The following NUP98 variants were observed in gnomAD, a reference collection of about 807,000 sequenced individuals.
NUP98 encodes the protein nucleoporin 98 and 96 precursor.
In NUP98, 26 loss-of-function variants were observed where a neutral mutation model predicts 191.9. The observed-to-expected ratio is 0.14, with a 90% CI of 0.10 to 0.19. The LOEUF is 0.19. Ranked by LOEUF, NUP98 falls within the 10% of genes least tolerant of loss-of-function variation. The pLI, the probability that NUP98 is intolerant of heterozygous loss-of-function variation, is 1.00. For synonymous variants in NUP98, 808 were observed against 778.4 expected (o/e 1.04, Z -0.63); for missense variants, 1,941 against 2,178.8 (o/e 0.89, Z 2.17).
intron 1 of NUP98, among the ~76,000 whole-genome samples, chr11:3,794,542 G>A (rs748983096): frequency 9.2e-5 from 14 of 152,016 alleles, no homozygotes; most frequent in Non-Finnish European, 1.5e-4. Context: ...GCCCAGGCTG[G>A]TCTCAAACTC....
At position 3,731,398 on chromosome 11, in the gene NUP98, T is replaced by A. The variant is rs564628582; in HGVS notation, c.1723A>T (p.Met575Leu). Reference sequence around the variant, plus strand: ...TAACAAAAATAAACTCACTTGGGCATGAATGCTCCATTGGCTAGGGATGGT... The same window carrying A: ...TAACAAAAATAAACTCACTTGGGCAAGAATGCTCCATTGGCTAGGGATGGT... ...DEPSLANGAF[M>L]PKKSIKKLVL... Residue 575 changes from methionine to leucine, a missense_variant, in exon 14 of 33, where the codon ATG becomes TTG. By Grantham distance (15) the Met-to-Leu change is conservative. Coordinates refer to ENST00000324932, the MANE Select transcript of NUP98 (RefSeq NM_016320.5). The A allele has an allele frequency of 6.4e-7, 1 of 1,569,248 alleles. No individual in the cohort carries two copies. Among genetic ancestry groups the A allele is most frequent in the Non-Finnish European group, 8.6e-7 (1 of 1,156,230 alleles).
At chr11:3,794,605 G>A (rs2082466826) in intron 1 of NUP98, among the ~76,000 whole-genome samples, 1 of 151,756 alleles carries the variant, frequency 6.6e-6, no homozygotes, top group Non-Finnish European at 1.5e-5. Context: ...AGGATTACAG[G>A]CGTGAACCAC....
chr11:3,768,465 C>T, intron 8 of NUP98, 116 bp downstream of exon 8: 1 of 941,560 alleles, frequency 1.1e-6, no homozygotes, highest in Non-Finnish European at 1.5e-6. Context: ...CATTAAATAC[C>T]CTCAACTCTT....
chr11:3,733,888 C>A (rs541483082), intron 13 of NUP98, among the ~76,000 whole-genome samples: 2 of 152,108 alleles, frequency 1.3e-5, no homozygotes, highest in Non-Finnish European at 2.9e-5. Flanking sequence ...CAACACAATG[C>A]CTTGCACATA....
In NUP98 at chr11:3,707,163, G is replaced by A. The variant is rs186790738; in HGVS notation, c.2743-536C>T. ...CTAAGGTTAGCTGGTCTCTACTTGT[G>A]CAGTACCACGTAAGATACGAGCACT... On this transcript the variant is annotated intron_variant, in intron 20 of 32. Coordinates refer to ENST00000324932, the MANE Select transcript of NUP98 (RefSeq NM_016320.5). 7.2e-5 allele frequency among the ~76,000 whole-genome samples: 11 copies of A among 152,260 alleles called. No individual in the cohort carries two copies. In the East Asian group the frequency reaches 2.1e-3, roughly 29 times the overall value.
In NUP98 at chr11:3,771,823, C is replaced by T. The variant is rs148092095; in HGVS notation, c.709G>A (p.Ala237Thr). Residue 237 changes from alanine to threonine, a missense_variant, in exon 7 of 33, where the codon GCA becomes ACA. Transcript: ENST00000324932. ...GTGGAGGAGCTGAAGAGTCCTGTTGCGCTGGAAGTGGCTGGAGAAGACCCA... is the reference window on the plus strand; with the variant it reads ...GTGGAGGAGCTGAAGAGTCCTGTTGTGCTGGAAGTGGCTGGAGAAGACCCA... ...LFGSSPATSS[A>T]TGLFSSSTTN... The T allele has an allele frequency of 1.7e-4, 273 of 1,614,024 alleles. No individual in the cohort carries two copies. Among genetic ancestry groups the T allele is most frequent in the East Asian group, 8.5e-4 (38 of 44,886 alleles).
At chr11:3,723,485 C>T (rs780285007) in intron 15 of NUP98, 30 bp from the exon 16 acceptor site, 9 of 1,579,598 alleles carry the variant, frequency 5.7e-6, no homozygotes, top group East Asian at 4.5e-5. Context: ...ATACCTTAGC[C>T]TCTTGTAGTA....
At chr11:3,735,747 TAGTGTGTG>T (rs1157092406) in intron 12 of NUP98, among the ~76,000 whole-genome samples, 2 of 122,786 alleles carry the variant, frequency 1.6e-5, no homozygotes, top group East Asian at 5.2e-4. Flanking sequence ...ACAGGGCAAG[TAGTGTGTG>T]TGTGTGTGTG....
intron 30 of NUP98, among the ~76,000 whole-genome samples, chr11:3,681,260 C>T (rs1252747791): frequency 6.6e-6 from 1 of 152,112 alleles, no homozygotes; most frequent in African/African-American, 2.4e-5. Context: ...AGGCTGGTCT[C>T]GAACTCCTGG....
Position 3,676,294 on chromosome 11 carries a change from T to C in NUP98, c.5268A>G (p.Pro1756=), listed in dbSNP as rs757021651. 2 of 1,614,178 alleles carry C rather than the reference T, an allele frequency of 1.2e-6. No homozygotes were observed. The highest frequency in any genetic ancestry group is 2.2e-5 in the South Asian group (2 of 91,084). Residue 1756 remains proline (P), a synonymous_variant, in exon 33 of 33, where the codon CCA becomes CCG. Coordinates refer to ENST00000324932, the MANE Select transcript of NUP98 (RefSeq NM_016320.5). ...GGCGCAAAGGGACTCGCTGAGGGTC[T>C]GGTGTTGAGTCGGAGGTTCTATCAG... The part of the protein sequence containing the change: ...HPPDRTSDST[P]DPQRVPLRLL...
intron 18 of NUP98, among the ~76,000 whole-genome samples, chr11:3,716,122 T>A (rs1263755589): frequency 6.6e-6 from 1 of 152,212 alleles, no homozygotes; most frequent in East Asian, 1.9e-4. Flanking sequence ...CTTATACTTT[T>A]TGATGTTATA....
chr11:3,770,107 G>A (rs139104121), intron 7 of NUP98, among the ~76,000 whole-genome samples: 1,754 of 151,366 alleles, frequency 0.012, 19 homozygotes, highest in African/African-American at 0.038. Context: ...CGCTTTGGGA[G>A]GCCGAGGCTG....
Position 3,782,015 on chromosome 11 carries a change from C to T in NUP98, c.76+27G>A, listed in dbSNP as rs180775189. 4 of 1,537,410 alleles carry T rather than the reference C, an allele frequency of 2.6e-6. No homozygotes were observed. In the South Asian group the frequency reaches 3.4e-5, roughly 13 times the overall value. ...TTAGTAAGGGAGATTAAGGTTTCTC[C>T]CTCTTTTGTCCTTTTTAAAAACTTA... On this transcript the variant is annotated intron_variant, in intron 2 of 32. Coordinates refer to ENST00000324932, the MANE Select transcript of NUP98 (RefSeq NM_016320.5).
rs779850130 is a variant in NUP98, at chr11:3,702,484, G to T, written c.3491C>A (p.Pro1164His). The T allele has an allele frequency of 2.5e-5, 41 of 1,613,600 alleles. 1 individual carries two copies. The East Asian group carries it at 9.1e-4, about 36-fold the overall frequency. ...TCACGGTTTAACAGCTACTGGATTGGGCAGGAATCCAAACTCCATGGAATC... is the reference window on the plus strand; with the variant it reads ...TCACGGTTTAACAGCTACTGGATTGTGCAGGAATCCAAACTCCATGGAATC... ...IADSMEFGFL[P>H]NPVAVKPLTE... Residue 1164 changes from proline (P) to histidine (H), a missense_variant, in exon 23 of 33, where the codon CCC (proline) becomes CAC (histidine). This residue lies in a region of NUP98 where 1,030 missense variants were observed against 1,115.8 expected (regional missense o/e 0.92). Transcript: ENST00000324932.
chr11:3,783,951 C>A (rs1487466424), intron 1 of NUP98, among the ~76,000 whole-genome samples: 1 of 152,132 alleles, frequency 6.6e-6, no homozygotes, highest in Admixed American at 6.5e-5. Flanking sequence ...TCCCCCTCCA[C>A]AAATTTTCCT....
At chr11:3,744,428 G>T in intron 12 of NUP98, 81 bp downstream of exon 12, 4 of 1,389,832 alleles carry the variant, frequency 2.9e-6, no homozygotes, top group Admixed American at 2.3e-5. Context: ...GGTAGGAATG[G>T]GACAGGTGTA....
Position 3,709,656 on chromosome 11 carries a change from T to C in NUP98, c.2742+2908A>G, listed in dbSNP as rs537097058. ...AAGAGTTCAACCAGCCTGAGGAACA[T>C]AGGAAAACTTTGCCTCAGAAAAAAA... is the stretch of plus-strand genomic sequence containing the variant. On this transcript the variant is annotated intron_variant, in intron 20 of 32. Coordinates refer to ENST00000324932, the MANE Select transcript of NUP98 (RefSeq NM_016320.5). 7.0e-4 allele frequency among the ~76,000 whole-genome samples: 104 copies of C among 149,516 alleles called. 1 individual carries two copies. The highest frequency in any genetic ancestry group is 2.2e-3 in the African/African-American group (90 of 40,524).
chr11:3,677,554 G>A (rs2077857420), intron 31 of NUP98, among the ~76,000 whole-genome samples: 1 of 151,818 alleles, frequency 6.6e-6, no homozygotes, highest in African/African-American at 2.4e-5. Context: ...CACATTGATA[G>A]TACCCTTTGC....
At chr11:3,756,534 T>G (rs1194754010) in intron 10 of NUP98, among the ~76,000 whole-genome samples, 1 of 152,062 alleles carries the variant, frequency 6.6e-6, no homozygotes. Context: ...GTGATTCTTC[T>G]GCCTCAGCCT....
Sources: allele counts gnomAD v4.1 joint callset (sites outside exome capture counted in the v4.1 genomes callset), GRCh38; gene constraint gnomAD v4.1.1; regional missense constraint gnomAD v4.1.1; transcripts MANE v1.5; gene names NCBI Gene and HGNC (gene_info 2026-07-23, HGNC 2026-07-21).